SHANK2: variants seen among roughly 807,000 people sequenced by gnomAD.
SHANK2 encodes the protein SH3 and multiple ankyrin repeat domains protein 2.
A neutral mutation model predicts 133.7 loss-of-function variants in SHANK2; 43 were observed. That is an observed-to-expected ratio of 0.32 (90% CI 0.25 to 0.41). The LOEUF is 0.41. Among genes scored for constraint, SHANK2 ranks in the 10% least tolerant of loss-of-function variants. The pLI is 1.00. For missense variants in SHANK2, 1,994 were observed against 2,235.8 expected, an observed-to-expected ratio of 0.89 and a Z score of 2.18; for synonymous variants, 1,017 against 952.8, an observed-to-expected ratio of 1.07 and a Z score of -1.24.
chr11:70,750,001 C>T (rs904465506), intron 14 of SHANK2, among the ~76,000 whole-genome samples: 2 of 152,214 alleles, frequency 1.3e-5, no homozygotes, highest in Non-Finnish European at 2.9e-5. Flanking sequence ...TCAGCAAGTA[C>T]TTCTAGTTCC....
chr11:71,101,634 C>T (rs782620623), intron 6 of SHANK2, among the ~76,000 whole-genome samples: 49 of 152,204 alleles, frequency 3.2e-4, no homozygotes, highest in Admixed American at 5.2e-4. Context: ...TCTGGGGAAT[C>T]GCACTTGGCG....
rs143580754 is a variant in SHANK2 at position 71,143,664 on chromosome 11, A to G, written c.207+3456T>C. Among the ~76,000 whole-genome samples, 1,050 of 152,336 alleles carry G rather than the reference A, an allele frequency of 6.9e-3. 9 individuals carry two copies. The highest frequency in any genetic ancestry group is 0.02 in the Middle Eastern group (6 of 294). On this transcript the variant is annotated intron_variant, in intron 3 of 25. Coordinates refer to ENST00000601538, the MANE Select transcript of SHANK2 (RefSeq NM_012309.5). ...TTGTGATGAGCTTCACAGAGAAAAC[A>G]TGCCACAGAAGCTCCACTGAGGCCT...
At chr11:70,639,830 C>T (rs1005706837) in intron 17 of SHANK2, among the ~76,000 whole-genome samples, 1 of 152,070 alleles carries the variant, frequency 6.6e-6, no homozygotes, top group Non-Finnish European at 1.5e-5. Context: ...GGGGTCTTTA[C>T]CTGGCTCCTC....
At chr11:70,536,155 G>A (rs2059540719) in intron 17 of SHANK2, among the ~76,000 whole-genome samples, 1 of 152,148 alleles carries the variant, frequency 6.6e-6, no homozygotes, top group Non-Finnish European at 1.5e-5. Context: ...TGGAGGCACC[G>A]ACCCAGGAGA....
intron 14 of SHANK2, among the ~76,000 whole-genome samples, chr11:70,759,164 C>T (rs1555039635): frequency 7.5e-6 from 1 of 133,344 alleles, no homozygotes; most frequent in African/African-American, 2.6e-5. Flanking sequence ...GACTCCATCA[C>T]AAAACCAAAC....
intron 17 of SHANK2, among the ~76,000 whole-genome samples, chr11:70,561,498 T>C (rs2059908090): frequency 6.6e-6 from 1 of 151,950 alleles, no homozygotes; most frequent in South Asian, 2.1e-4. Flanking sequence ...ATGTCATTGA[T>C]TGCTGTGAGC....
At chr11:71,090,350 C>G (rs879096324) in intron 8 of SHANK2, among the ~76,000 whole-genome samples, 48 of 7,718 alleles carry the variant, frequency 6.2e-3, no homozygotes, top group South Asian at 0.033. Flanking sequence ...AACACAACCT[C>G]TGTGTGTGTG....
intron 13 of SHANK2, among the ~76,000 whole-genome samples, chr11:70,805,529 T>A (rs558607188): frequency 9.2e-5 from 14 of 152,196 alleles, no homozygotes; most frequent in Non-Finnish European, 1.5e-4. Context: ...ACCCGACATC[T>A]CAGGGCTGGC....
intron 10 of SHANK2, among the ~76,000 whole-genome samples, chr11:70,934,505 G>A (rs1950545470): frequency 6.6e-6 from 1 of 152,130 alleles, no homozygotes; most frequent in African/African-American, 2.4e-5. Context: ...AAGCTCCTTG[G>A]CTTTCCGAGG....
intron 2 of SHANK2, among the ~76,000 whole-genome samples, chr11:71,221,659 C>T (rs1241583384): frequency 2.0e-5 from 3 of 152,148 alleles, no homozygotes; most frequent in Non-Finnish European, 4.4e-5. Flanking sequence ...CAATTAATTC[C>T]GTTACTCCTA....
At chr11:70,580,108 T>C (rs1459007983) in intron 17 of SHANK2, among the ~76,000 whole-genome samples, 2 of 152,302 alleles carry the variant, frequency 1.3e-5, no homozygotes, top group East Asian at 3.9e-4. Flanking sequence ...TTGCTGCCAA[T>C]GCCTCAGCCA....
At chr11:71,202,509 A>C (rs1555117295) in intron 2 of SHANK2, among the ~76,000 whole-genome samples, 1 of 151,928 alleles carries the variant, frequency 6.6e-6, no homozygotes, top group Non-Finnish European at 1.5e-5. Context: ...AGGTCTTCCA[A>C]CTCCACACTC....
chr11:71,080,912 G>C (rs1355554703), intron 8 of SHANK2, among the ~76,000 whole-genome samples: 1 of 152,208 alleles, frequency 6.6e-6, no homozygotes, highest in African/African-American at 2.4e-5. Context: ...CAGCGGACGG[G>C]CTGTGATGCA....
chr11:71,177,652 A>T (rs1390706873), intron 2 of SHANK2, among the ~76,000 whole-genome samples: 2 of 152,250 alleles, frequency 1.3e-5, no homozygotes, highest in East Asian at 3.8e-4. Context: ...AAGATGACAG[A>T]TTTAAATCAA....
chr11:70,890,797 C>A (rs1242093032), intron 11 of SHANK2, among the ~76,000 whole-genome samples: 67 of 125,136 alleles, frequency 5.4e-4, no homozygotes, highest in Non-Finnish European at 5.5e-4. Flanking sequence ...GAAACTGTCT[C>A]AAAAAAAAAA....
At chr11:70,783,752 G>A (rs1037994149) in intron 14 of SHANK2, among the ~76,000 whole-genome samples, 8 of 152,188 alleles carry the variant, frequency 5.3e-5, no homozygotes, top group Admixed American at 2.6e-4. Flanking sequence ...CCCACTGGAC[G>A]TGCGGTTGTT....
intron 6 of SHANK2, among the ~76,000 whole-genome samples, chr11:71,107,268 G>A (rs986377821): frequency 6.6e-6 from 1 of 152,138 alleles, no homozygotes; most frequent in Admixed American, 6.5e-5. Flanking sequence ...TTCCCTGCAC[G>A]CATTCTGTCC....
intron 14 of SHANK2, among the ~76,000 whole-genome samples, chr11:70,735,353 A>G (rs537020984): frequency 1.2e-4 from 19 of 152,244 alleles, no homozygotes; most frequent in African/African-American, 4.3e-4. Context: ...AGGAAGAGGA[A>G]GCCACACCTG....
At chr11:70,519,391 C>T (rs367986672) in intron 17 of SHANK2, among the ~76,000 whole-genome samples, 11 of 152,266 alleles carry the variant, frequency 7.2e-5, no homozygotes, top group East Asian at 3.9e-4. Flanking sequence ...TGGTGGCTCA[C>T]GCCTGTAATC....
Sources: allele counts gnomAD v4.1 joint callset (sites outside exome capture counted in the v4.1 genomes callset), GRCh38; gene constraint gnomAD v4.1.1; transcripts MANE v1.5; gene names NCBI Gene and HGNC (gene_info 2026-07-23, HGNC 2026-07-21).